SVIL: variants seen among roughly 807,000 people sequenced by gnomAD.
The protein encoded by SVIL is archvillin.
Under a neutral mutation model 240.4 loss-of-function variants are expected in SVIL, and 101 were observed. That is an observed-to-expected ratio of 0.42 (90% CI 0.36 to 0.50). The LOEUF (loss-of-function observed/expected upper bound fraction) is 0.50. Ranked by LOEUF, SVIL falls within the 20% of genes least tolerant of loss-of-function variation. SVIL has a pLI of 0.01. For synonymous variants in SVIL, 999 were observed against 1,100.0 expected (o/e 0.91, Z 1.82); for missense variants, 2,512 against 2,818.7 (o/e 0.89, Z 2.46).
At chr10:29,705,876 C>T (rs917426668) in intron 1 of SVIL, among the ~76,000 whole-genome samples, 8 of 152,148 alleles carry the variant, frequency 5.3e-5, no homozygotes, top group Non-Finnish European at 1.2e-4. Flanking sequence ...TTTTCTTTGT[C>T]CAGGCTATCA....
intron 14 of SVIL, among the ~76,000 whole-genome samples, 156 bp from the exon 15 acceptor site, chr10:29,524,183 G>A (rs376150778): frequency 6.6e-5 from 10 of 152,202 alleles, no homozygotes; most frequent in East Asian, 3.9e-4. Flanking sequence ...TATATAATAC[G>A]TCTCATTAAA....
intron 17 of SVIL, among the ~76,000 whole-genome samples, chr10:29,503,490 A>G (rs1949053441): frequency 6.6e-6 from 1 of 152,240 alleles, no homozygotes; most frequent in Admixed American, 6.5e-5. Flanking sequence ...CCTTTGTATT[A>G]TTAAATATTA....
At chr10:29,618,473 C>T in intron 1 of SVIL, among the ~76,000 whole-genome samples, 1 of 152,160 alleles carries the variant, frequency 6.6e-6, no homozygotes, top group East Asian at 1.9e-4. Flanking sequence ...AAAGTCAAAG[C>T]ATGTTCAGAC....
intron 1 of SVIL, among the ~76,000 whole-genome samples, chr10:29,710,003 T>C (rs967678852): frequency 8.6e-5 from 13 of 152,006 alleles, no homozygotes; most frequent in African/African-American, 3.1e-4. Context: ...CTGAACTCGA[T>C]CTTGCCTCAG....
At position 29,473,901 on chromosome 10, in the gene SVIL, G is replaced by A. The variant is rs757626663; in HGVS notation, c.5466C>T (p.Thr1822=). Residue 1822 remains threonine, a synonymous_variant, in exon 30 of 38, where the codon ACC becomes ACT. Transcript: ENST00000355867. ...VYFFWQGRHS[T]VSEKGTSALM... is the part of the protein sequence containing the mutation. ...GCGCCGACGTGCCCTTCTCACTCACGGTGGAGTGCCGGCCTTGCCAGAAGA... is the reference window on the plus strand; with the variant it reads ...GCGCCGACGTGCCCTTCTCACTCACAGTGGAGTGCCGGCCTTGCCAGAAGA... 1.9e-6 allele frequency: 3 copies of A among 1,613,832 alleles called. No individual in the cohort carries two copies. The highest frequency in any genetic ancestry group is 2.2e-5 in the East Asian group (1 of 44,862).
At chr10:29,649,981 G>A (rs2133007544) in intron 3 of SVIL, among the ~76,000 whole-genome samples, 1 of 152,304 alleles carries the variant, frequency 6.6e-6, no homozygotes, top group South Asian at 2.1e-4. Context: ...CTCACCATGT[G>A]ATGCCTTCTG....
intron 36 of SVIL, 134 bp from the exon 37 acceptor site, chr10:29,458,723 G>T: frequency 2.2e-6 from 2 of 909,568 alleles, no homozygotes; most frequent in Non-Finnish European, 1.6e-6. Context: ...TCACTGAGGA[G>T]GAAATGGCTC....
intron 2 of SVIL, among the ~76,000 whole-genome samples, chr10:29,666,163 C>G (rs1959274123): frequency 6.6e-6 from 1 of 152,210 alleles, no homozygotes; most frequent in Non-Finnish European, 1.5e-5. Context: ...AGTGATCCTC[C>G]TGCCTCAGCC....
Position 29,481,641 on chromosome 10 carries a change from A to G in SVIL, c.5043T>C (p.Asp1681=). The part of the protein sequence containing the change: ...ETILFKEKFL[D]WTELKRSNEK... ...CATTCGATCTCTTCAGTTCCGTCCA[A>G]TCCAGAAACTTCTCTTTGAACAAAA... The change falls in exon 28 of 38, where the codon GAT becomes GAC. Residue 1681 remains aspartate, a synonymous_variant. Transcript: ENST00000355867. 1 of 1,614,104 alleles carries G rather than the reference A, an allele frequency of 6.2e-7. No individual in the cohort carries two copies.
chr10:29,515,742 G>A (rs1237020615), intron 16 of SVIL, among the ~76,000 whole-genome samples: 11 of 152,170 alleles, frequency 7.2e-5, no homozygotes, highest in Admixed American at 6.5e-5. Flanking sequence ...CATGAGCTCT[G>A]GTCTTTGAAG....
At chr10:29,710,645 A>G (rs995757057) in intron 1 of SVIL, among the ~76,000 whole-genome samples, 1 of 152,242 alleles carries the variant, frequency 6.6e-6, no homozygotes, top group Non-Finnish European at 1.5e-5. Flanking sequence ...GAGTCAGTTA[A>G]TAACAAACAC....
chr10:29,706,025 G>A (rs565141322), intron 1 of SVIL, among the ~76,000 whole-genome samples: 6 of 151,938 alleles, frequency 3.9e-5, no homozygotes, highest in Middle Eastern at 3.4e-3. Flanking sequence ...TTAATAAATC[G>A]ACTTGGCTGG....
chr10:29,550,455 AAAAG>A (rs1953198023), intron 6 of SVIL, 138 bp downstream of exon 6: 1 of 1,114,926 alleles, frequency 9.0e-7, no homozygotes, highest in African/African-American at 1.6e-5. Context: ...AAAAAAAAAA[AAAAG>A]AATCATATAC....
intron 1 of SVIL, among the ~76,000 whole-genome samples, chr10:29,575,935 A>C (rs931993563): frequency 6.6e-6 from 1 of 152,156 alleles, no homozygotes; most frequent in Non-Finnish European, 1.5e-5. Flanking sequence ...ATTTTCTATA[A>C]TATTAGTATA....
chr10:29,590,565 G>A (rs1181954396), intron 1 of SVIL, among the ~76,000 whole-genome samples: 1 of 152,212 alleles, frequency 6.6e-6, no homozygotes, highest in African/African-American at 2.4e-5. Flanking sequence ...GATCACATAT[G>A]CCATCTGGTT....
intron 2 of SVIL, among the ~76,000 whole-genome samples, chr10:29,674,786 T>A (rs746973568): frequency 5.9e-5 from 9 of 152,130 alleles, no homozygotes; most frequent in Non-Finnish European, 1.0e-4. Flanking sequence ...TCAAGGAGAA[T>A]CCATTTTCTT....
intron 18 of SVIL, among the ~76,000 whole-genome samples, chr10:29,498,775 G>A (rs1437505223): frequency 6.6e-6 from 1 of 151,872 alleles, no homozygotes; most frequent in Non-Finnish European, 1.5e-5. Flanking sequence ...AAGCCCAAGA[G>A]TTTGAGACCA....
At chr10:29,664,715 C>G (rs1011243319) in intron 2 of SVIL, among the ~76,000 whole-genome samples, 20 of 151,986 alleles carry the variant, frequency 1.3e-4, no homozygotes, top group Non-Finnish European at 2.4e-4. Flanking sequence ...CACATGCACA[C>G]ATACATATAT....
At chr10:29,655,845 T>C (rs1464131703) in intron 3 of SVIL, among the ~76,000 whole-genome samples, 1 of 151,946 alleles carries the variant, frequency 6.6e-6, no homozygotes, top group African/African-American at 2.4e-5. Flanking sequence ...TTCCCTTCTA[T>C]TCCTAGTCTG....
Sources: allele counts gnomAD v4.1 joint callset (sites outside exome capture counted in the v4.1 genomes callset), GRCh38; gene constraint gnomAD v4.1.1; transcripts MANE v1.5; gene names NCBI Gene and HGNC (gene_info 2026-07-23, HGNC 2026-07-21).